The following WSB2 variants were observed in gnomAD, a reference collection of about 807,000 sequenced individuals.
WSB2 encodes WD repeat and SOCS box-containing protein 2.
Under a neutral mutation model 48.8 loss-of-function variants are expected in WSB2, and 12 were observed. The observed-to-expected ratio is 0.25, with a 90% confidence interval of 0.16 to 0.40. WSB2 has a LOEUF of 0.40. Among genes scored for constraint, WSB2 ranks in the 10% least tolerant of loss-of-function variants. The pLI, the probability that WSB2 is intolerant of heterozygous loss-of-function variation, is 1.00. For synonymous variants in WSB2, 191 were observed against 203.1 expected (o/e 0.94, Z 0.51); for missense variants, 317 against 506.2 (o/e 0.63, Z 3.59).
upstream of WSB2, chr12:118,062,099 C>T (rs1302466306): frequency 2.0e-6 from 3 of 1,535,104 alleles, no homozygotes; most frequent in South Asian, 1.2e-5. Flanking sequence ...CCTTACCTAC[C>T]TACGGCGACA....
intron 6 of WSB2, chr12:118,035,594 G>A: frequency 5.2e-6 from 2 of 386,824 alleles, no homozygotes; most frequent in East Asian, 4.9e-5. Flanking sequence ...TAATGCCACA[G>A]TAGAAACTGC....
chr12:118,034,740 C>G (rs1593460836), intron 8 of WSB2: 1 of 539,830 alleles, frequency 1.9e-6, no homozygotes, highest in Non-Finnish European at 3.2e-6. Flanking sequence ...CAATTTTATT[C>G]TCCCTTGTGA....
At chr12:118,038,220 C>T (rs996317114) in intron 5 of WSB2, 68 bp downstream of exon 5, 7 of 1,467,968 alleles carry the variant, frequency 4.8e-6, no homozygotes, top group Non-Finnish European at 6.4e-6. Context: ...AGAACACTCA[C>T]ACACACCAGG....
Position 118,036,618 on chromosome 12 carries a change from C to T in WSB2, c.661-108G>A, listed in dbSNP as rs539228233. 1.9e-5 allele frequency: 23 copies of T among 1,197,066 alleles called. No homozygotes were observed. In the East Asian group the frequency reaches 5.2e-4, roughly 27 times the overall value. 74.2% of individuals were successfully genotyped at this position (1,197,066 alleles called of 1,614,324 possible). On this transcript the variant is annotated intron_variant, in intron 5 of 8. Coordinates refer to ENST00000315436, the MANE Select transcript of WSB2 (RefSeq NM_018639.5). The stretch of plus-strand genomic sequence containing the variant: ...AAATCTGCAGGCCCTGCAGCCAGGG[C>T]TGATTCTCTATCCCTTTTCTACAGC...
rs758423211 is a variant in WSB2, at chr12:118,034,982, A to G, written c.1052+4T>C. 6.2e-7 allele frequency: 1 copy of G among 1,613,896 alleles called. No individual in the cohort carries two copies. ...ACCCATCTGTTCAGCTAACAAATAC[A>G]TACCCTGTGGCAATGACTCCACCAT... On this transcript the variant is annotated splice_donor_region_variant and intron_variant, in intron 8 of 8. Transcript: ENST00000315436.
chr12:118,034,672 G>A (rs770959744), intron 8 of WSB2: 93 of 489,912 alleles, frequency 1.9e-4, no homozygotes, highest in Non-Finnish European at 2.7e-4. Flanking sequence ...AATTATAGAT[G>A]TTACCTGTAA....
chr12:118,034,456 G>A, intron 8 of WSB2, 98 bp from the exon 9 acceptor site: 1 of 1,406,976 alleles, frequency 7.1e-7, no homozygotes, highest in Non-Finnish European at 9.7e-7. Context: ...CAAAGAGCAG[G>A]AGACTTCGGA....
intron 2 of WSB2, among the ~76,000 whole-genome samples, chr12:118,050,148 G>T (rs1450326235): frequency 6.6e-6 from 1 of 151,638 alleles, no homozygotes; most frequent in Non-Finnish European, 1.5e-5. Flanking sequence ...TCGCACCATC[G>T]CACTCCAGCC....
At chr12:118,054,066 A>C (rs918569114) in intron 1 of WSB2, among the ~76,000 whole-genome samples, 1 of 152,032 alleles carries the variant, frequency 6.6e-6, no homozygotes, top group Non-Finnish European at 1.5e-5. Context: ...AGAGATGCAT[A>C]TGTGTATATT....
chr12:118,055,062 T>A (rs7300357), intron 1 of WSB2, among the ~76,000 whole-genome samples: 1 of 151,772 alleles, frequency 6.6e-6, no homozygotes, highest in Non-Finnish European at 1.5e-5. Flanking sequence ...TTTATATATA[T>A]GGTCTGAGTA....
At chr12:118,056,897 T>C (rs1378244942) in intron 1 of WSB2, among the ~76,000 whole-genome samples, 1 of 151,954 alleles carries the variant, frequency 6.6e-6, no homozygotes, top group Non-Finnish European at 1.5e-5. Context: ...CAAGACTCTG[T>C]CCCCAAAAAA....
At chr12:118,037,435 G>A (rs1316615135) in intron 5 of WSB2, among the ~76,000 whole-genome samples, 2 of 152,160 alleles carry the variant, frequency 1.3e-5, no homozygotes, top group Non-Finnish European at 2.9e-5. Flanking sequence ...GGGAGGCCCA[G>A]GCGGGCGGAT....
At chr12:118,034,425 C>G (rs942345963) in intron 8 of WSB2, 67 bp from the exon 9 acceptor site, 2 of 1,573,980 alleles carry the variant, frequency 1.3e-6, no homozygotes, top group South Asian at 2.3e-5. Context: ...AGGATGAATA[C>G]TCATGTTTCT....
At position 118,060,478 on chromosome 12, in the gene WSB2, C is replaced by G. The variant is rs931509457; in HGVS notation, c.13+558G>C. ...GAATAGATTGTTTCAATAGGGAACC[C>G]AGACCCCAGACCCCATTTTTACCGG... is the stretch of plus-strand genomic sequence containing the variant. On this transcript the variant is annotated intron_variant, in intron 1 of 8. Transcript: ENST00000315436. This position sits in a 1 kb window ranked among gnomAD's most constrained non-coding sequence, Gnocchi z 4.1. 6.6e-5 allele frequency among the ~76,000 whole-genome samples: 10 copies of G among 152,242 alleles called. No individual in the cohort carries two copies. In the East Asian group the frequency reaches 1.7e-3, roughly 27 times the overall value.
In WSB2 at chr12:118,060,910, A is replaced by C; in HGVS notation, c.13+126T>G. ...GCCCCGCGCGGACCTCCCAGGCCGG[A>C]CGCCCCCGCCGCGTCCAGCCCCCGC... On this transcript the variant is annotated intron_variant, in intron 1 of 8. Transcript: ENST00000315436. The surrounding 1 kb of genome is among the most constrained non-coding windows in gnomAD (Gnocchi z 4.1). 2.9e-6 allele frequency: 1 copy of C among 339,176 alleles called. No individual in the cohort carries two copies. Among genetic ancestry groups the C allele is most frequent in the Non-Finnish European group, 4.2e-6 (1 of 240,760 alleles). 21.0% of individuals were successfully genotyped at this position (339,176 alleles called of 1,614,324 possible). A position where few individuals can be genotyped will look rare whatever the true frequency, so the allele number is the denominator to read the frequency against.
At position 118,060,902 on chromosome 12, in the gene WSB2, C is replaced by T. The variant is rs1464491049; in HGVS notation, c.13+134G>A. The T allele has an allele frequency of 3.0e-6, 1 of 334,998 alleles. No individual in the cohort carries two copies. The highest frequency in any genetic ancestry group is 2.2e-5 in the African/African-American group (1 of 44,808). 20.8% of individuals were successfully genotyped at this position (334,998 alleles called of 1,614,324 possible). A position where few individuals can be genotyped will look rare whatever the true frequency, so the allele number is the denominator to read the frequency against. On this transcript the variant is annotated intron_variant, in intron 1 of 8. Coordinates refer to ENST00000315436, the MANE Select transcript of WSB2 (RefSeq NM_018639.5). This position sits in a 1 kb window ranked among gnomAD's most constrained non-coding sequence, Gnocchi z 4.1. Reference sequence around the variant, plus strand: ...CCCCGCCGGCCCCGCGCGGACCTCCCAGGCCGGACGCCCCCGCCGCGTCCA... The same window carrying T: ...CCCCGCCGGCCCCGCGCGGACCTCCTAGGCCGGACGCCCCCGCCGCGTCCA...
Position 118,043,243 on chromosome 12 carries a change from G to T in WSB2, c.317C>A (p.Pro106His), listed in dbSNP as rs201907723. The change falls in exon 3 of 9, where the codon CCC (proline) becomes CAC (histidine). Residue 106 changes from proline to histidine, a missense_variant. Coordinates refer to ENST00000315436, the MANE Select transcript of WSB2 (RefSeq NM_018639.5). Reference protein sequence around the residue: ...GLAFSPWPSPPSRKLWARHHP... With the variant: ...GLAFSPWPSPHSRKLWARHHP... Reference sequence around the variant, plus strand: ...GTGGCGTGCCCAGAGCTTCCTGCTGGGTGGGGAAGGCCACGGGCTGAAGGC... The same window carrying T: ...GTGGCGTGCCCAGAGCTTCCTGCTGTGTGGGGAAGGCCACGGGCTGAAGGC... 4.8e-5 allele frequency: 78 copies of T among 1,614,090 alleles called. No homozygotes were observed. Among genetic ancestry groups the T allele is most frequent in the Non-Finnish European group, 6.5e-5 (77 of 1,180,032 alleles).
chr12:118,052,503 A>G (rs1158308970), intron 1 of WSB2, 25 bp from the exon 2 acceptor site: 3 of 1,612,898 alleles, frequency 1.9e-6, no homozygotes, highest in Non-Finnish European at 2.5e-6. Flanking sequence ...AACATGCTTC[A>G]AACACACACC....
At position 118,035,051 on chromosome 12, in the gene WSB2, T is replaced by C; in HGVS notation, c.987A>G (p.Ala329=). 1 of 1,614,078 alleles carries C rather than the reference T, an allele frequency of 6.2e-7. No individual in the cohort carries two copies. Among genetic ancestry groups the C allele is most frequent in the Non-Finnish European group, 8.5e-7 (1 of 1,180,024 alleles). The part of the protein sequence containing the change: ...IWALELKTPI[A]FAPMTNGLCC... Reference sequence around the variant, plus strand: ...AAAGCCCATTGGTCATAGGAGCAAATGCAATGGGAGTTTTCAGTTCCAGGG... The same window carrying C: ...AAAGCCCATTGGTCATAGGAGCAAACGCAATGGGAGTTTTCAGTTCCAGGG... Residue 329 remains alanine (A), a synonymous_variant, in exon 8 of 9, where the codon GCA becomes GCG. Transcript: ENST00000315436.
Sources: allele counts gnomAD v4.1 joint callset (sites outside exome capture counted in the v4.1 genomes callset), GRCh38; gene constraint gnomAD v4.1.1; non-coding constraint Gnocchi (gnomAD v3.1); transcripts MANE v1.5; gene names NCBI Gene and HGNC (gene_info 2026-07-23, HGNC 2026-07-21).